POLA1: variants seen among roughly 807,000 people sequenced by gnomAD.
The protein encoded by POLA1 is DNA polymerase alpha catalytic subunit.
POLA1 carries 15 observed loss-of-function variants against 124.0 expected under a neutral mutation model. That is an observed-to-expected ratio of 0.12 (90% CI 0.08 to 0.19). The LOEUF is 0.19. POLA1 is among the 10% of genes least tolerant of loss of function. The probability of loss-of-function intolerance (pLI) is 1.00; values close to 1 mark genes in which losing one functional copy is unlikely to be tolerated. For synonymous variants in POLA1, 408 were observed against 389.4 expected, an observed-to-expected ratio of 1.05 and a Z score of -0.56; for missense variants, 886 against 1,103.4, an observed-to-expected ratio of 0.80 and a Z score of 2.79.
intron 12 of POLA1, among the ~76,000 whole-genome samples, chrX:24,724,847 A>C (rs1930433773): frequency 8.9e-6 from 1 of 112,043 alleles, no homozygotes; most frequent in Non-Finnish European, 1.9e-5. Flanking sequence ...GGACTATGAT[A>C]CAGTCTGATA....
intron 26 of POLA1, among the ~76,000 whole-genome samples, chrX:24,761,421 C>T (rs187317300): frequency 5.4e-5 from 6 of 111,211 alleles, no homozygotes; most frequent in East Asian, 5.6e-4. Flanking sequence ...TAACCACAGA[C>T]GACATTTTCA....
rs66782103 is a variant in POLA1, at chrX:24,757,436, C to CTTTTTTTT, written c.2964+8458_2964+8465dup. ...ATCTGAAATGCTCCAAAATCTGAAA[C>CTTTTTTTT]TTTTTTTTTTTTTTTTTTTTTGAGA... On this transcript the variant is annotated intron_variant, in intron 26 of 36. Transcript: ENST00000379068. 1.4e-3 allele frequency among the ~76,000 whole-genome samples: 85 copies of CTTTTTTTT among 62,129 alleles called. 5 individuals are homozygous for CTTTTTTTT. The highest frequency in any genetic ancestry group is 6.5e-3 in the African/African-American group (79 of 12,216). 54.0% of individuals were successfully genotyped at this position (62,129 alleles called of 115,157 possible). A position where few individuals can be genotyped will look rare whatever the true frequency, so the allele number is the denominator to read the frequency against.
intron 35 of POLA1, among the ~76,000 whole-genome samples, chrX:24,915,713 A>C (rs1461399582): frequency 8.9e-6 from 1 of 111,800 alleles, no homozygotes; most frequent in African/African-American, 3.2e-5. Flanking sequence ...TTCATGCTTT[A>C]TTTGTCAACA....
intron 32 of POLA1, among the ~76,000 whole-genome samples, chrX:24,832,337 C>T (rs990911835): frequency 9.0e-6 from 1 of 111,523 alleles, no homozygotes; most frequent in African/African-American, 3.3e-5. Flanking sequence ...TTCAGTTGAA[C>T]GGTCCTGCAT....
chrX:24,734,347 A>T (rs923644219), intron 17 of POLA1: 1 of 112,311 alleles, frequency 8.9e-6, no homozygotes. Flanking sequence ...TTTTTCACAA[A>T]GGTAAATGTA....
chrX:24,723,940 A>G (rs939054520), intron 11 of POLA1, among the ~76,000 whole-genome samples: 2 of 112,269 alleles, frequency 1.8e-5, no homozygotes, highest in African/African-American at 6.5e-5. Context: ...TGGCCTCCCA[A>G]AGTGCTGGGA....
intron 26 of POLA1, among the ~76,000 whole-genome samples, chrX:24,768,152 A>G (rs1235274136): frequency 8.9e-6 from 1 of 112,396 alleles, no homozygotes; most frequent in Admixed American, 9.4e-5. Context: ...TGTGTACTGT[A>G]TTAGTGTGTG....
chrX:24,752,674 A>G (rs1297299255), intron 26 of POLA1, among the ~76,000 whole-genome samples: 1 of 112,449 alleles, frequency 8.9e-6, no homozygotes, highest in Non-Finnish European at 1.9e-5. Context: ...AGTGAAGGCA[A>G]TTTAATGAGT....
intron 26 of POLA1, among the ~76,000 whole-genome samples, chrX:24,764,917 A>G (rs985355041): frequency 7.2e-5 from 8 of 110,520 alleles, no homozygotes; most frequent in Non-Finnish European, 7.6e-5. Flanking sequence ...TGTCCCCCCC[A>G]ATCTATTCTC....
intron 2 of POLA1, among the ~76,000 whole-genome samples, chrX:24,702,795 G>C (rs1928545135): frequency 8.9e-6 from 1 of 112,357 alleles, no homozygotes; most frequent in Non-Finnish European, 1.9e-5. Flanking sequence ...ATTGTATTTG[G>C]TTGATTGAAC....
At chrX:24,842,506 C>T (rs765368411) in intron 33 of POLA1, among the ~76,000 whole-genome samples, 5 of 112,266 alleles carry the variant, frequency 4.5e-5, no homozygotes, top group East Asian at 5.5e-4. Context: ...AAAGAAAAGA[C>T]GCCCTTTATC....
chrX:24,964,368 A>G (rs1026726460), intron 36 of POLA1, among the ~76,000 whole-genome samples: 2 of 112,807 alleles, frequency 1.8e-5, no homozygotes, highest in Non-Finnish European at 3.8e-5. Context: ...AAATGTTTTT[A>G]TGACAAACAA....
intron 26 of POLA1, among the ~76,000 whole-genome samples, chrX:24,801,968 T>TGTGTGTGTGTGA (rs1362163750): frequency 1.9e-5 from 2 of 107,058 alleles, no homozygotes; most frequent in South Asian, 4.3e-4. Context: ...TGTGTGTGTG[T>TGTGTGTGTGTGA]GTGACATTTA....
intron 32 of POLA1, among the ~76,000 whole-genome samples, chrX:24,838,268 A>G (rs2046367726): frequency 1.8e-5 from 2 of 112,072 alleles, no homozygotes; most frequent in Non-Finnish European, 3.8e-5. Flanking sequence ...TTTTCTAATT[A>G]TAAATGACAG....
At chrX:24,797,005 C>T (rs776514942) in intron 26 of POLA1, among the ~76,000 whole-genome samples, 20 of 112,121 alleles carry the variant, frequency 1.8e-4, no homozygotes, top group African/African-American at 6.2e-4. Flanking sequence ...GTAGATTGCA[C>T]TTGCTAAATG....
chrX:24,912,235 A>G (rs777811835), intron 35 of POLA1, among the ~76,000 whole-genome samples: 1 of 112,542 alleles, frequency 8.9e-6, no homozygotes, highest in Non-Finnish European at 1.9e-5. Flanking sequence ...AATATATCGT[A>G]GGTGTAAATG....
At position 24,920,095 on chromosome X, in the gene POLA1, C is replaced by T. The variant is rs770476109; in HGVS notation, c.4165-10358C>T. On this transcript the variant is annotated intron_variant, in intron 35 of 36. Coordinates refer to ENST00000379068, the MANE Select transcript of POLA1 (RefSeq NM_001330360.2). ...CTCCTGACCTCAGATGATCCTCCCGCCTTGGCCTCCCAAAGTGCTGGGATT... is the reference window on the plus strand; with the variant it reads ...CTCCTGACCTCAGATGATCCTCCCGTCTTGGCCTCCCAAAGTGCTGGGATT... 3.6e-5 allele frequency among the ~76,000 whole-genome samples: 4 copies of T among 109,763 alleles called. No homozygotes were observed. The South Asian group carries it at 1.6e-3, about 44-fold the overall frequency.
At chrX:24,833,278 CCA>C (rs1004086536) in intron 32 of POLA1, among the ~76,000 whole-genome samples, 5 of 111,480 alleles carry the variant, frequency 4.5e-5, no homozygotes, top group African/African-American at 1.6e-4. Flanking sequence ...TATATATATG[CCA>C]CAGTTTCTTT....
intron 35 of POLA1, among the ~76,000 whole-genome samples, chrX:24,921,892 T>TTGTGTGTGTGTGTGTGTGTGTGTGTGTG (rs755172411): frequency 3.0e-4 from 32 of 105,730 alleles, no homozygotes; most frequent in African/African-American, 8.3e-4. Flanking sequence ...GTTTTGCCTT[T>TTGTGTGTGTGTGTGTGTGTGTGTGTGTG]TGTGTGTGTG....
Sources: gnomAD v4.1 joint callset for allele counts (sites outside exome capture counted in the v4.1 genomes callset) on GRCh38, gnomAD v4.1.1 for gene constraint, MANE v1.5 for transcripts, NCBI Gene and HGNC (gene_info 2026-07-23, HGNC 2026-07-21) for gene names.